COL11A1: variants seen among roughly 807,000 people sequenced by gnomAD.
COL11A1 encodes the protein collagen alpha-1(XI) chain.
Under a neutral mutation model 265.2 loss-of-function variants are expected in COL11A1, and 74 were observed. The ratio of observed to expected loss-of-function variants is 0.28; its 90% CI spans 0.23 to 0.34. COL11A1 has a LOEUF of 0.34. Ranked by LOEUF, COL11A1 falls within the 10% of genes least tolerant of loss-of-function variation. COL11A1 has a pLI of 1.00. For synonymous variants in COL11A1, 816 were observed against 727.6 expected, an observed-to-expected ratio of 1.12 and a Z score of -1.96; for missense variants, 2,165 against 2,263.6, an observed-to-expected ratio of 0.96 and a Z score of 0.88.
At chr1:102,940,217 A>C (rs982703475) in intron 43 of COL11A1, 110 bp downstream of exon 43, 4 of 871,298 alleles carry the variant, frequency 4.6e-6, no homozygotes, top group Admixed American at 3.9e-5. Context: ...AACTTTGAAA[A>C]AGGTAACCTT....
At chr1:102,925,622 G>A (rs535618850) in intron 46 of COL11A1, among the ~76,000 whole-genome samples, 1 of 152,032 alleles carries the variant, frequency 6.6e-6, no homozygotes, top group African/African-American at 2.4e-5. Flanking sequence ...GAAGTTTCTG[G>A]AAGAAAAAGA....
At chr1:103,002,083 T>C in intron 23 of COL11A1, 114 bp from the exon 24 acceptor site, 1 of 904,886 alleles carries the variant, frequency 1.1e-6, no homozygotes, top group Admixed American at 2.0e-5. Flanking sequence ...AATCTGTATA[T>C]ATTCCCATAC....
chr1:102,909,572 TG>T (rs1436570761), intron 54 of COL11A1, among the ~76,000 whole-genome samples: 1 of 152,092 alleles, frequency 6.6e-6, no homozygotes, highest in African/African-American at 2.4e-5. Flanking sequence ...TATATGAAAA[TG>T]CATCCTTCAT....
At chr1:102,881,586 A>G in intron 65 of COL11A1, 111 bp downstream of exon 65, 4 of 867,332 alleles carry the variant, frequency 4.6e-6, no homozygotes, top group Non-Finnish European at 7.6e-6. Context: ...ACCACAGGGA[A>G]TCCTCATTTA....
At position 102,888,607 on chromosome 1, in the gene COL11A1, G is replaced by A. The variant is rs1476654881; in HGVS notation, c.4578C>T (p.Asp1526=). Residue 1526 remains aspartate (D), a synonymous_variant, in exon 62 of 67, where the codon GAC becomes GAT. Coordinates refer to ENST00000370096, the MANE Select transcript of COL11A1 (RefSeq NM_001854.4). ...GSTGPAGQKG[D]SGLPGPPGSP... Reference sequence around the variant, plus strand: ...ACCCAGGAGGCCCTGGAAGACCACTGTCACCTTTCTGGCCAGCGGGTCCCT... The same window carrying A: ...ACCCAGGAGGCCCTGGAAGACCACTATCACCTTTCTGGCCAGCGGGTCCCT... The A allele has an allele frequency of 4.3e-6, 7 of 1,613,574 alleles. No individual in the cohort carries two copies. The highest frequency in any genetic ancestry group is 4.2e-6 in the Non-Finnish European group (5 of 1,179,718).
At chr1:103,034,809 AT>A (rs1407815177) in intron 4 of COL11A1, among the ~76,000 whole-genome samples, 2 of 151,890 alleles carry the variant, frequency 1.3e-5, no homozygotes, top group Non-Finnish European at 2.9e-5. Flanking sequence ...AGTTGAACAT[AT>A]TAAATAACAA....
intron 41 of COL11A1, among the ~76,000 whole-genome samples, chr1:102,960,142 A>G (rs1358388770): frequency 2.0e-5 from 3 of 152,182 alleles, no homozygotes; most frequent in Admixed American, 2.0e-4. Context: ...AGTTATCAAA[A>G]TATATTTTCT....
chr1:102,888,638 A>G lies in COL11A1; in HGVS notation c.4555-8T>C. 1 of 1,613,884 alleles carries G rather than the reference A, an allele frequency of 6.2e-7. No homozygotes were observed. Among genetic ancestry groups the G allele is most frequent in the African/African-American group, 1.3e-5 (1 of 75,046 alleles). On this transcript the variant is annotated splice_region_variant and splice_polypyrimidine_tract_variant and intron_variant, in intron 61 of 66. Transcript: ENST00000370096. Reference sequence around the variant, plus strand: ...TTTCTGGCCAGCGGGTCCCTGTTAGAAAGAAGAGAGAGGACATAAATAAAG... The same window carrying G: ...TTTCTGGCCAGCGGGTCCCTGTTAGGAAGAAGAGAGAGGACATAAATAAAG...
At chr1:102,890,655 GT>G in intron 57 of COL11A1, 151 bp from the exon 58 acceptor site, 2 of 573,342 alleles carry the variant, frequency 3.5e-6, no homozygotes, top group South Asian at 5.8e-5. Flanking sequence ...AGGCTTCTAA[GT>G]AAATTTATAT....
intron 15 of COL11A1, 25 bp from the exon 16 acceptor site, chr1:103,006,340 C>A: frequency 6.3e-7 from 1 of 1,589,050 alleles, no homozygotes; most frequent in Non-Finnish European, 8.6e-7. Flanking sequence ...CATAATTAAA[C>A]CATATTATAG....
At chr1:103,081,062 T>G (rs571057390) in intron 2 of COL11A1, among the ~76,000 whole-genome samples, 2 of 152,052 alleles carry the variant, frequency 1.3e-5, no homozygotes, top group Non-Finnish European at 2.9e-5. Flanking sequence ...GGGCTAATAA[T>G]TTAATCTGTC....
At chr1:103,012,030 T>C (rs1223420563) in intron 14 of COL11A1, among the ~76,000 whole-genome samples, 2 of 152,196 alleles carry the variant, frequency 1.3e-5, no homozygotes, top group Non-Finnish European at 2.9e-5. Flanking sequence ...TAATTTTCAT[T>C]GGCCTCAAAT....
chr1:102,939,844 G>A (rs1235333056), intron 43 of COL11A1, among the ~76,000 whole-genome samples: 2 of 152,042 alleles, frequency 1.3e-5, no homozygotes, highest in Non-Finnish European at 2.9e-5. Flanking sequence ...ATATAATGAT[G>A]TATTCAATTG....
intron 13 of COL11A1, among the ~76,000 whole-genome samples, chr1:103,013,903 A>C (rs1666334391): frequency 6.6e-6 from 1 of 152,056 alleles, no homozygotes; most frequent in Non-Finnish European, 1.5e-5. Flanking sequence ...CAATGAAACT[A>C]ATTAAAAAAC....
intron 5 of COL11A1, among the ~76,000 whole-genome samples, chr1:103,028,569 C>T (rs1667740942): frequency 6.6e-6 from 1 of 152,042 alleles, no homozygotes; most frequent in African/African-American, 2.4e-5. Context: ...ATCAATCAGA[C>T]AAATATATGC....
intron 26 of COL11A1, among the ~76,000 whole-genome samples, chr1:102,996,291 C>T (rs1664621410): frequency 6.6e-6 from 1 of 151,796 alleles, no homozygotes; most frequent in Non-Finnish European, 1.5e-5. Context: ...TTGAAATGGA[C>T]TAATAAGGCA....
At chr1:102,951,136 C>T (rs1447198633) in intron 41 of COL11A1, among the ~76,000 whole-genome samples, 1 of 152,032 alleles carries the variant, frequency 6.6e-6, no homozygotes, top group Admixed American at 6.6e-5. Context: ...ACTGATATAC[C>T]ATCTTACCAA....
rs751154792 is a variant in COL11A1 at position 102,962,753 on chromosome 1, G to T, written c.2924C>A (p.Thr975Asn). The part of the protein sequence containing the change: ...PGGVVGPQGP[T>N]GETGPIGERG... The stretch of plus-strand genomic sequence containing the variant: ...TTCCCCTATTGGACCAGTCTCACCG[G>T]TTGGTCCCTAAATTAGATAAGCAAA... The change falls in exon 39 of 67, where the codon ACC becomes AAC. Residue 975 changes from threonine to asparagine, a missense_variant. By Grantham distance (65) the Thr-to-Asn change is moderately conservative (BLOSUM62 0). Transcript: ENST00000370096. The T allele has an allele frequency of 6.2e-6, 10 of 1,613,906 alleles. No individual in the cohort carries two copies. Among genetic ancestry groups the T allele is most frequent in the Non-Finnish European group, 7.6e-6 (9 of 1,179,830 alleles).
chr1:102,924,355 T>C (rs145972955), intron 46 of COL11A1, among the ~76,000 whole-genome samples: 4,929 of 152,336 alleles, frequency 0.032, 108 homozygotes, highest in Middle Eastern at 0.085. Context: ...TGTCTATGTC[T>C]TCACCGAAAA....
Sources: allele counts gnomAD v4.1 joint callset (sites outside exome capture counted in the v4.1 genomes callset), GRCh38; gene constraint gnomAD v4.1.1; transcripts MANE v1.5; gene names NCBI Gene and HGNC (gene_info 2026-07-23, HGNC 2026-07-21).